SPAG9: variants seen among roughly 807,000 people sequenced by gnomAD.
SPAG9 encodes the protein C-Jun-amino-terminal kinase-interacting protein 4.
Under a neutral mutation model 166.5 loss-of-function variants are expected in SPAG9, and 35 were observed. That is an observed-to-expected ratio of 0.21 (90% CI 0.16 to 0.28). SPAG9 has a LOEUF of 0.28. SPAG9 is among the 10% of genes least tolerant of loss of function. SPAG9 has a pLI of 1.00. For missense variants in SPAG9, 1,235 were observed against 1,603.3 expected (o/e 0.77, Z 3.92); for synonymous variants, 534 against 565.5 (o/e 0.94, Z 0.79).
intron 12 of SPAG9, among the ~76,000 whole-genome samples, chr17:51,002,447 T>C (rs905580196): frequency 2.0e-5 from 3 of 152,134 alleles, no homozygotes; most frequent in East Asian, 1.9e-4. Flanking sequence ...TCTGTTCTCA[T>C]GGTTCTTAAA....
chr17:51,064,020 C>T (rs2047592900), intron 2 of SPAG9, among the ~76,000 whole-genome samples: 1 of 151,854 alleles, frequency 6.6e-6, no homozygotes, highest in Admixed American at 6.6e-5. Flanking sequence ...AAGTATTATC[C>T]TCTAGCATAA....
chr17:51,086,274 C>G (rs1392728735), intron 1 of SPAG9, among the ~76,000 whole-genome samples: 1 of 151,878 alleles, frequency 6.6e-6, no homozygotes, highest in African/African-American at 2.4e-5. Context: ...GCCACCACAC[C>G]CGGCTGAAAA....
At chr17:51,053,053 A>G (rs2047224838) in intron 3 of SPAG9, among the ~76,000 whole-genome samples, 1 of 152,066 alleles carries the variant, frequency 6.6e-6, no homozygotes, top group Non-Finnish European at 1.5e-5. Context: ...ATCTCAAAAA[A>G]CAAAAAAAAG....
chr17:51,016,876 G>A (rs2045719981), intron 8 of SPAG9, among the ~76,000 whole-genome samples: 2 of 152,128 alleles, frequency 1.3e-5, no homozygotes, highest in African/African-American at 2.4e-5. Context: ...ACTCCAGCCT[G>A]GGCGACAAAG....
intron 3 of SPAG9, among the ~76,000 whole-genome samples, chr17:51,052,642 A>T (rs2047212961): frequency 6.6e-6 from 1 of 152,186 alleles, no homozygotes; most frequent in Admixed American, 6.5e-5. Context: ...TAGACAAAAA[A>T]AAAAAAGTAT....
At chr17:51,112,889 T>C (rs1483400837) in intron 1 of SPAG9, among the ~76,000 whole-genome samples, 1 of 147,908 alleles carries the variant, frequency 6.8e-6, no homozygotes, top group Non-Finnish European at 1.5e-5. Flanking sequence ...AAGTGGGATC[T>C]ACTTGAGCCC....
chr17:51,099,099 C>CAAAAA (rs35291018), intron 1 of SPAG9, among the ~76,000 whole-genome samples: 3 of 45,966 alleles, frequency 6.5e-5, no homozygotes, highest in South Asian at 7.9e-4. Context: ...GACTCCGTCT[C>CAAAAA]AAAAAAAAAA....
At chr17:50,998,716 TACAAGGCAATG>T (rs2044790382) in intron 14 of SPAG9, 99 bp from the exon 15 acceptor site, 1 of 1,170,404 alleles carries the variant, frequency 8.5e-7, no homozygotes, top group Non-Finnish European at 1.2e-6. Context: ...AGAGTACTTT[TACAAGGCAATG>T]AGTTAGAAAT....
chr17:50,969,733 C>T (rs1385652751), intron 29 of SPAG9, among the ~76,000 whole-genome samples: 1 of 152,088 alleles, frequency 6.6e-6, no homozygotes, highest in East Asian at 1.9e-4. Context: ...TCTCTTACCT[C>T]GGAGTGCCAA....
At chr17:51,004,277 CA>C (rs1285459088) in intron 12 of SPAG9, among the ~76,000 whole-genome samples, 1 of 151,980 alleles carries the variant, frequency 6.6e-6, no homozygotes, top group African/African-American at 2.4e-5. Context: ...GGTAGGTTCA[CA>C]ATGTTAATTT....
At chr17:51,053,898 T>TATATATATATATAA (rs1186528753) in intron 3 of SPAG9, among the ~76,000 whole-genome samples, 1 of 100,168 alleles carries the variant, frequency 1.0e-5, no homozygotes, top group Non-Finnish European at 2.0e-5. Flanking sequence ...TATATATATA[T>TATATATATATATAA]AAAACATATA....
intron 25 of SPAG9, among the ~76,000 whole-genome samples, chr17:50,980,299 G>GGGTTCAGGCGATTCTCCTTCCTC (rs1567958038): frequency 6.6e-6 from 1 of 151,946 alleles, no homozygotes; most frequent in Non-Finnish European, 1.5e-5. Context: ...TCCCCTTCCT[G>GGGTTCAGGCGATTCTCCTTCCTC]GGTTCAGGCG....
At chr17:50,971,287 C>G (rs1372930165) in intron 28 of SPAG9, among the ~76,000 whole-genome samples, 2 of 148,742 alleles carry the variant, frequency 1.3e-5, no homozygotes, top group Non-Finnish European at 3.0e-5. Flanking sequence ...GCCTAGGCAA[C>G]AGAGCAAGAC....
chr17:50,984,954 G>A lies in SPAG9; in HGVS notation c.3057C>T (p.Asp1019=), dbSNP rs775880921. Residue 1019 remains aspartate (D), a synonymous_variant, in exon 24 of 30, where the codon GAC becomes GAT. Coordinates refer to ENST00000262013, the MANE Select transcript of SPAG9 (RefSeq NM_001130528.3). ...CTCTGTGAAAGATTGCAAGGGTGCC[G>A]TCAGCCAGGGCTACTAACACGATTC... ...VKGIVLVALA[D]GTLAIFHRGV... is the part of the protein sequence containing the mutation. The A allele has an allele frequency of 2.5e-5, 41 of 1,613,938 alleles. No individual in the cohort carries two copies. The highest frequency in any genetic ancestry group is 3.3e-5 in the South Asian group (3 of 91,088).
Position 50,990,492 on chromosome 17 carries a change from G to A in SPAG9, c.2575C>T (p.Pro859Ser), listed in dbSNP as rs375400352. Residue 859 changes from proline to serine, a missense_variant, in exon 20 of 30, where the codon CCT (proline) becomes TCT (serine). Coordinates refer to ENST00000262013, the MANE Select transcript of SPAG9 (RefSeq NM_001130528.3). ...ACTGGAGAAGCACCATTTGTACTAG[G>A]GGAAGTGGCAGCTCCCGTCACACCT... The part of the protein sequence containing the change: ...AEGVTGAATS[P>S]STNGASPVMD... 5 of 1,614,048 alleles carry A rather than the reference G, an allele frequency of 3.1e-6. No homozygotes were observed. The highest frequency in any genetic ancestry group is 4.2e-6 in the Non-Finnish European group (5 of 1,180,022).
Position 51,047,365 on chromosome 17 carries a change from C to T in SPAG9, c.590+10G>A. ...CTTTTTCTCAAGGCAAAATATATAA[C>T]AAAGCTTACCTAATTCTACTATGAG... On this transcript the variant is annotated intron_variant, in intron 4 of 29. Transcript: ENST00000262013. 1 of 1,461,032 alleles carries T rather than the reference C, an allele frequency of 6.8e-7. No individual in the cohort carries two copies. Among genetic ancestry groups the T allele is most frequent in the Non-Finnish European group, 9.4e-7 (1 of 1,065,676 alleles). 90.5% of individuals were successfully genotyped at this position (1,461,032 alleles called of 1,614,324 possible). A position where few individuals can be genotyped will look rare whatever the true frequency, so the allele number is the denominator to read the frequency against.
At chr17:51,098,917 T>C (rs565515765) in intron 1 of SPAG9, among the ~76,000 whole-genome samples, 85 of 151,292 alleles carry the variant, frequency 5.6e-4, no homozygotes, top group Non-Finnish European at 1.1e-3. Context: ...CTGGCCAATA[T>C]GCTGAAACCC....
chr17:51,098,853 G>A (rs1015460675), intron 1 of SPAG9, among the ~76,000 whole-genome samples: 5 of 151,176 alleles, frequency 3.3e-5, no homozygotes, highest in Non-Finnish European at 3.0e-5. Flanking sequence ...AGTAATCCCA[G>A]CAATTTGGGA....
rs182936425 is a variant in SPAG9 at position 51,070,061 on chromosome 17, C to T, written c.424+9523G>A. Among the ~76,000 whole-genome samples the T allele has an allele frequency of 1.3e-3, 192 of 148,312 alleles. 1 individual carries two copies. The highest frequency in any genetic ancestry group is 4.5e-3 in the African/African-American group (182 of 40,858). Reference sequence around the variant, plus strand: ...GGATCACTTAAACACAGGAATTAGACCCTCATCTCTTAAAAAAAAAAACAA... The same window carrying T: ...GGATCACTTAAACACAGGAATTAGATCCTCATCTCTTAAAAAAAAAAACAA... On this transcript the variant is annotated intron_variant, in intron 2 of 29. Coordinates refer to ENST00000262013, the MANE Select transcript of SPAG9 (RefSeq NM_001130528.3).
Sources: allele counts gnomAD v4.1 joint callset (sites outside exome capture counted in the v4.1 genomes callset), GRCh38; gene constraint gnomAD v4.1.1; transcripts MANE v1.5; gene names NCBI Gene and HGNC (gene_info 2026-07-23, HGNC 2026-07-21).